Variants in TULP4 observed in about 807,000 individuals in gnomAD.
TULP4 encodes the protein tubby-related protein 4.
TULP4 carries 16 observed loss-of-function variants against 129.0 expected under a neutral mutation model. That is an observed-to-expected ratio of 0.12 (90% CI 0.08 to 0.19). The LOEUF (loss-of-function observed/expected upper bound fraction) is 0.19. Among genes scored for constraint, TULP4 ranks in the 10% least tolerant of loss-of-function variants. The pLI is 1.00. For missense variants in TULP4, 1,842 were observed against 2,059.1 expected, an observed-to-expected ratio of 0.89 and a Z score of 2.04; for synonymous variants, 998 against 854.0, an observed-to-expected ratio of 1.17 and a Z score of -2.94.
chr6:158,434,406 G>C (rs1052117272), intron 3 of TULP4, among the ~76,000 whole-genome samples: 2 of 152,126 alleles, frequency 1.3e-5, no homozygotes, highest in African/African-American at 4.8e-5. Flanking sequence ...ATGACACAAA[G>C]AGAAAATGTC....
intron 1 of TULP4, among the ~76,000 whole-genome samples, chr6:158,243,330 TAAA>T (rs1777961759): frequency 6.6e-6 from 1 of 152,126 alleles, no homozygotes; most frequent in South Asian, 2.1e-4. Context: ...TATCTTACCT[TAAA>T]AATTTTTTCT....
intron 1 of TULP4, among the ~76,000 whole-genome samples, chr6:158,377,247 A>C (rs1202416758): frequency 6.6e-6 from 1 of 152,208 alleles, no homozygotes; most frequent in Non-Finnish European, 1.5e-5. Context: ...GTGGCTAAGT[A>C]ACTTACAGTT....
chr6:158,377,101 G>C (rs574932675), intron 1 of TULP4, among the ~76,000 whole-genome samples: 103 of 152,326 alleles, frequency 6.8e-4, no homozygotes, highest in African/African-American at 2.4e-3. Context: ...TTATTGCTGT[G>C]TAAAAGTAGT....
intron 1 of TULP4, among the ~76,000 whole-genome samples, chr6:158,293,093 G>C (rs1214172698): frequency 6.6e-6 from 1 of 152,162 alleles, no homozygotes; most frequent in Admixed American, 6.5e-5. Flanking sequence ...TAATCAAGCA[G>C]TTTGTCTGCA....
At chr6:158,462,028 G>A (rs968550343) in intron 6 of TULP4, among the ~76,000 whole-genome samples, 8 of 152,200 alleles carry the variant, frequency 5.3e-5, no homozygotes, top group Non-Finnish European at 1.0e-4. Flanking sequence ...ACTTGTAGGA[G>A]AGGAAGAGTA....
chr6:158,335,262 G>A (rs968618203), intron 1 of TULP4, among the ~76,000 whole-genome samples: 4 of 131,636 alleles, frequency 3.0e-5, no homozygotes, highest in African/African-American at 5.9e-5. Context: ...GGTGAACAGA[G>A]CGAGACTGTC....
chr6:158,246,023 G>GGGGGGTGTGT (rs113914160), intron 1 of TULP4, among the ~76,000 whole-genome samples: 7 of 145,920 alleles, frequency 4.8e-5, no homozygotes, highest in Admixed American at 4.1e-4. Context: ...ACCCCTTAGG[G>GGGGGGTGTGT]GTGTGTGTGT....
upstream of TULP4, chr6:158,312,263 A>T: frequency 2.5e-6 from 1 of 396,594 alleles, no homozygotes; most frequent in South Asian, 1.4e-4. Context: ...TAAGAATCAG[A>T]TGGAGCAACT....
upstream of TULP4, among the ~76,000 whole-genome samples, chr6:158,309,312 C>A (rs371943785): frequency 7.1e-6 from 1 of 141,652 alleles, no homozygotes; most frequent in East Asian, 2.1e-4. Flanking sequence ...GGCAGAGGCG[C>A]TCCCCACATC....
intron 1 of TULP4, among the ~76,000 whole-genome samples, chr6:158,344,285 A>G (rs926921254): frequency 6.6e-6 from 1 of 152,226 alleles, no homozygotes; most frequent in African/African-American, 2.4e-5. Context: ...CCCAGGTGAA[A>G]TAAACAGCCT....
At chr6:158,349,214 T>C (rs909977034) in intron 1 of TULP4, among the ~76,000 whole-genome samples, 206 of 82,186 alleles carry the variant, frequency 2.5e-3, no homozygotes, top group African/African-American at 7.0e-3. Flanking sequence ...TCAGACGGGG[T>C]GGCCGGGCAG....
intron 6 of TULP4, among the ~76,000 whole-genome samples, chr6:158,468,555 A>G (rs1230759554): frequency 2.2e-4 from 33 of 152,248 alleles, no homozygotes; most frequent in Admixed American, 2.2e-3. Flanking sequence ...TCTTTTAAAA[A>G]AATTAATAAT....
At chr6:158,442,577 G>A (rs1778923691) in intron 3 of TULP4, among the ~76,000 whole-genome samples, 7 of 152,050 alleles carry the variant, frequency 4.6e-5, no homozygotes. Flanking sequence ...GCCACCCTGG[G>A]CAGTTATGCC....
At chr6:158,406,403 G>T (rs558010011) in intron 1 of TULP4, among the ~76,000 whole-genome samples, 1 of 152,114 alleles carries the variant, frequency 6.6e-6, no homozygotes, top group Non-Finnish European at 1.5e-5. Context: ...GAGGAAAAAT[G>T]TGAATTTCAC....
intron 1 of TULP4, among the ~76,000 whole-genome samples, chr6:158,262,667 G>A (rs1429909387): frequency 6.6e-6 from 1 of 152,174 alleles, no homozygotes; most frequent in Non-Finnish European, 1.5e-5. Flanking sequence ...AAGAGTCTGA[G>A]AGAAGGCTGG....
chr6:158,381,163 T>G (rs1050449391), intron 1 of TULP4, among the ~76,000 whole-genome samples: 1 of 151,294 alleles, frequency 6.6e-6, no homozygotes, highest in Non-Finnish European at 1.5e-5. Context: ...TATGGTTGTT[T>G]TTTTTTTTAA....
intron 1 of TULP4, among the ~76,000 whole-genome samples, chr6:158,252,712 A>G (rs1211777381): frequency 6.6e-6 from 1 of 152,204 alleles, no homozygotes; most frequent in African/African-American, 2.4e-5. Context: ...AAAACTAAGA[A>G]ATTAACATTG....
chr6:158,402,116 A>C (rs1425758231), intron 1 of TULP4, among the ~76,000 whole-genome samples: 2 of 152,224 alleles, frequency 1.3e-5, no homozygotes, highest in African/African-American at 2.4e-5. Context: ...AATTCTTTTG[A>C]GCTGCTTTGA....
At chr6:158,381,482 T>C (rs1488929470) in intron 1 of TULP4, among the ~76,000 whole-genome samples, 1 of 152,236 alleles carries the variant, frequency 6.6e-6, no homozygotes. Flanking sequence ...AGCTCAAGTT[T>C]TGTCATCAAA....
Sources: allele counts gnomAD v4.1 joint callset (sites outside exome capture counted in the v4.1 genomes callset), GRCh38; gene constraint gnomAD v4.1.1; transcripts MANE v1.5; gene names NCBI Gene and HGNC (gene_info 2026-07-23, HGNC 2026-07-21).